The following SOX5 variants were observed in gnomAD, a reference collection of about 807,000 sequenced individuals.
The protein encoded by SOX5 is SRY-box transcription factor 5.
SOX5 carries 9 observed loss-of-function variants against 92.0 expected under a neutral mutation model. The ratio of observed to expected loss-of-function variants is 0.10; its 90% confidence interval spans 0.06 to 0.17. The LOEUF is 0.17. SOX5 is among the 10% of genes least tolerant of loss of function. The pLI is 1.00. For synonymous variants in SOX5, 344 were observed against 336.3 expected (o/e 1.02, Z -0.25); for missense variants, 642 against 944.5 (o/e 0.68, Z 4.20).
At chr12:23,770,286 C>G (rs1459834476) in intron 3 of SOX5, among the ~76,000 whole-genome samples, 4 of 151,856 alleles carry the variant, frequency 2.6e-5, no homozygotes, top group Admixed American at 6.6e-5. Context: ...CCCCCATTAC[C>G]CCACCCACCC....
chr12:24,034,396 C>T (rs182001567), intron 4 of SOX5, among the ~76,000 whole-genome samples: 2 of 151,708 alleles, frequency 1.3e-5, no homozygotes, highest in Admixed American at 6.6e-5. Flanking sequence ...TGTGGTAGTG[C>T]TAATGAAGAC....
At chr12:24,171,309 C>T (rs1158727875) in intron 4 of SOX5, among the ~76,000 whole-genome samples, 2 of 149,984 alleles carry the variant, frequency 1.3e-5, no homozygotes, top group Non-Finnish European at 3.0e-5. Flanking sequence ...CTGCAACCTC[C>T]GCCTCCCAGG....
intron 4 of SOX5, among the ~76,000 whole-genome samples, chr12:24,154,424 A>G (rs901118306): frequency 5.3e-5 from 8 of 152,182 alleles, no homozygotes; most frequent in African/African-American, 1.9e-4. Context: ...AGTAAACAAC[A>G]AAGAACTGAA....
intron 4 of SOX5, among the ~76,000 whole-genome samples, chr12:24,121,562 GCTAA>G (rs1345527964): frequency 7.4e-5 from 11 of 148,438 alleles, no homozygotes; most frequent in Non-Finnish European, 1.2e-4. Flanking sequence ...TTTACAAATG[GCTAA>G]CTTTTTTTTT....
upstream of SOX5, among the ~76,000 whole-genome samples, chr12:23,954,599 C>A (rs1358722576): frequency 6.6e-6 from 1 of 151,940 alleles, no homozygotes; most frequent in Non-Finnish European, 1.5e-5. Flanking sequence ...TAGTGGACTT[C>A]TTCAAAAAAT....
At chr12:24,544,312 C>T (rs1247627126) in intron 1 of SOX5, among the ~76,000 whole-genome samples, 1 of 151,960 alleles carries the variant, frequency 6.6e-6, no homozygotes, top group Non-Finnish European at 1.5e-5. Flanking sequence ...ACTTATTATA[C>T]ATATGGAAGG....
At chr12:24,077,424 T>C (rs1030187651) in intron 4 of SOX5, among the ~76,000 whole-genome samples, 1 of 152,072 alleles carries the variant, frequency 6.6e-6, no homozygotes, top group African/African-American at 2.4e-5. Context: ...ATATTGGGTT[T>C]TTCCCATCAC....
chr12:23,799,042 T>C (rs2095615159), intron 3 of SOX5, among the ~76,000 whole-genome samples: 3 of 151,970 alleles, frequency 2.0e-5, no homozygotes, highest in Admixed American at 1.3e-4. Flanking sequence ...CTGCTCAACA[T>C]AGTAATACTT....
chr12:24,428,064 AAAAT>A (rs68063137), intron 1 of SOX5, among the ~76,000 whole-genome samples: 19,397 of 152,078 alleles, frequency 0.13, 1,529 homozygotes, highest in Non-Finnish European at 0.18. Context: ...TGAGAAAGTT[AAAAT>A]TCATCTTTCA....
In SOX5 at chr12:23,846,053, G is replaced by A; in HGVS notation, c.411C>T (p.Gly137=). 1 of 1,614,016 alleles carries A rather than the reference G, an allele frequency of 6.2e-7. No homozygotes were observed. The highest frequency in any genetic ancestry group is 8.5e-7 in the Non-Finnish European group (1 of 1,179,980). ...AGGTGTCAACAACATCAGCTAAACT[G>A]CCCTTGCGCCGTTCAGGAGTTCCCA... The part of the protein sequence containing the change: ...TALGTPERRK[G]SLADVVDTLK... Residue 137 remains glycine (G), a synonymous_variant, in exon 3 of 15, where the codon GGC becomes GGT. Transcript: ENST00000451604.
At chr12:23,723,348 G>A (rs1215899771) in intron 6 of SOX5, among the ~76,000 whole-genome samples, 1 of 151,512 alleles carries the variant, frequency 6.6e-6, no homozygotes, top group Non-Finnish European at 1.5e-5. Context: ...AAATCCAATT[G>A]GATAATGAAA....
rs1209513057 is a variant in SOX5, at chr12:24,113,518, C to T, written c.-2+99825G>A. Among the ~76,000 whole-genome samples the T allele has an allele frequency of 1.1e-4, 16 of 151,880 alleles. No individual in the cohort carries two copies. The East Asian group carries it at 2.9e-3, about 27-fold the overall frequency. On this transcript the variant is annotated intron_variant, in intron 4 of 4. Coordinates refer to the SOX5 transcript ENST00000446891. ...CAAATAATCATAAACAATATAAAAC[C>T]TTAATTATTATGCTGTGATACCCAA...
At chr12:23,968,412 T>A (rs191709828) in intron 4 of SOX5, among the ~76,000 whole-genome samples, 7 of 152,336 alleles carry the variant, frequency 4.6e-5, no homozygotes, top group African/African-American at 1.7e-4. Flanking sequence ...TGATCTCCAA[T>A]GTGATGGTCT....
chr12:23,826,222 T>C (rs998621537), intron 3 of SOX5, among the ~76,000 whole-genome samples: 1 of 142,142 alleles, frequency 7.0e-6, no homozygotes, highest in African/African-American at 2.6e-5. Flanking sequence ...CCCCTTCCTG[T>C]GTCCATGTGT....
chr12:23,599,265 G>A (rs1448310416), intron 9 of SOX5, among the ~76,000 whole-genome samples: 1 of 152,212 alleles, frequency 6.6e-6, no homozygotes, highest in East Asian at 1.9e-4. Context: ...TAAGGATAGT[G>A]CAGCTCAAAG....
chr12:23,736,323 G>C (rs540727069), intron 5 of SOX5, among the ~76,000 whole-genome samples: 3 of 151,950 alleles, frequency 2.0e-5, no homozygotes, highest in Admixed American at 1.3e-4. Flanking sequence ...TTAGCCAGGC[G>C]TGGTGGCGGG....
intron 4 of SOX5, among the ~76,000 whole-genome samples, chr12:23,977,432 G>C (rs982223958): frequency 3.9e-5 from 6 of 152,190 alleles, no homozygotes; most frequent in African/African-American, 1.4e-4. Context: ...CACTTTGGGA[G>C]GCCAAGGTTG....
chr12:24,083,620 T>C (rs1413220373), intron 4 of SOX5, among the ~76,000 whole-genome samples: 1 of 152,062 alleles, frequency 6.6e-6, no homozygotes, highest in Non-Finnish European at 1.5e-5. Flanking sequence ...ATCCTGAGTG[T>C]AACTTACCAC....
chr12:24,368,839 T>C (rs2136239172), intron 1 of SOX5, among the ~76,000 whole-genome samples: 1 of 152,360 alleles, frequency 6.6e-6, no homozygotes, highest in East Asian at 1.9e-4. Flanking sequence ...AACTCCATTC[T>C]TGAGAATAAT....
Sources: allele counts gnomAD v4.1 joint callset (sites outside exome capture counted in the v4.1 genomes callset), GRCh38; gene constraint gnomAD v4.1.1; transcripts MANE v1.5; gene names NCBI Gene and HGNC (gene_info 2026-07-23, HGNC 2026-07-21).